Variants in GEMIN7 observed in about 807,000 individuals in gnomAD.
GEMIN7 encodes gem-associated protein 7.
GEMIN7 carries 7 observed loss-of-function variants against 7.8 expected under a neutral mutation model. The observed-to-expected ratio is 0.90, with a 90% confidence interval of 0.51 to 1.69. The LOEUF (loss-of-function observed/expected upper bound fraction) is 1.69, where lower values mean the gene tolerates loss of function less well. Ranked by LOEUF, GEMIN7 falls within the 40% of genes most tolerant of loss-of-function variation. The probability of loss-of-function intolerance (pLI) is 0.00; values close to 1 mark genes in which losing one functional copy is unlikely to be tolerated. For synonymous variants in GEMIN7, 68 were observed against 72.4 expected, an observed-to-expected ratio of 0.94 and a Z score of 0.31; for missense variants, 159 against 176.2, an observed-to-expected ratio of 0.90 and a Z score of 0.55.
rs147899933 is a variant in GEMIN7, at chr19:45,090,290, G to A, written c.176G>A (p.Arg59Gln). 1.1e-5 allele frequency: 18 copies of A among 1,614,072 alleles called. No individual in the cohort carries two copies. In the Admixed American group the frequency reaches 1.7e-4, roughly 15 times the overall value. ...CTGGAATCCCAGGAGCAGCGGGCAC[G>A]AGCCGCCCTTCGGGAGCGTTACCTC... Reference protein sequence around the residue: ...ESLESQEQRARAALRERYLRS... With the variant: ...ESLESQEQRAQAALRERYLRS... The change falls in exon 3 of 3, where the codon CGA (arginine) becomes CAA (glutamine). Residue 59 changes from arginine (R) to glutamine (Q), a missense_variant. Coordinates refer to ENST00000270257, the MANE Select transcript of GEMIN7 (RefSeq NM_024707.3).
chr19:45,075,809 G>A (rs369360244), upstream of GEMIN7: 7 of 1,614,046 alleles, frequency 4.3e-6, no homozygotes, highest in African/African-American at 9.3e-5. Flanking sequence ...AAGGTCTGCA[G>A]GCAGCGGCCG....
intron 2 of GEMIN7, among the ~76,000 whole-genome samples, chr19:45,080,569 G>C (rs1178995075): frequency 1.3e-5 from 2 of 151,834 alleles, no homozygotes; most frequent in Non-Finnish European, 2.9e-5. Context: ...AGTAGAGATA[G>C]GGTTTCACCA....
upstream of GEMIN7, chr19:45,076,397 C>A: frequency 8.0e-7 from 1 of 1,246,032 alleles, no homozygotes; most frequent in Admixed American, 4.1e-5. The surrounding 1 kb of genome is among the most constrained non-coding windows in gnomAD (Gnocchi z 4.9). Context: ...GGCGAGCGAG[C>A]GGGCGGGCAG....
chr19:45,087,146 ATGTT>A (rs1967721016), intron 2 of GEMIN7, among the ~76,000 whole-genome samples: 1 of 147,448 alleles, frequency 6.8e-6, no homozygotes, highest in Non-Finnish European at 1.5e-5. Flanking sequence ...CGCCCAGCCA[ATGTT>A]TGTTTGTTTT....
chr19:45,081,323 G>T (rs1018005420), intron 2 of GEMIN7, among the ~76,000 whole-genome samples: 5 of 152,068 alleles, frequency 3.3e-5, no homozygotes, highest in African/African-American at 1.2e-4. Flanking sequence ...ATGTGCAGTG[G>T]TGCGCGCCTG....
At chr19:45,080,437 G>T (rs147039111) in intron 2 of GEMIN7, among the ~76,000 whole-genome samples, 2 of 150,776 alleles carry the variant, frequency 1.3e-5, no homozygotes, top group Non-Finnish European at 2.9e-5. Flanking sequence ...GTGCAGAGGC[G>T]TGATCTCCGC....
intron 2 of GEMIN7, among the ~76,000 whole-genome samples, chr19:45,087,554 A>C (rs552524807): frequency 1.3e-5 from 2 of 152,186 alleles, no homozygotes; most frequent in Non-Finnish European, 2.9e-5. Context: ...AAGGAGATAC[A>C]GGCAGATACA....
upstream of GEMIN7, chr19:45,076,311 T>G: frequency 7.0e-7 from 1 of 1,429,852 alleles, no homozygotes; most frequent in Non-Finnish European, 9.2e-7. The surrounding 1 kb of genome is among the most constrained non-coding windows in gnomAD (Gnocchi z 4.9). Context: ...TCTCGTCGTC[T>G]GGGTTGGCGG....
intron 2 of GEMIN7, among the ~76,000 whole-genome samples, chr19:45,080,968 G>C (rs1967485516): frequency 1.3e-5 from 2 of 152,008 alleles, no homozygotes; most frequent in African/African-American, 4.8e-5. Context: ...CTGGGGGCTG[G>C]TGAGGCCTGA....
At chr19:45,083,800 T>G (rs2122661524) in intron 2 of GEMIN7, among the ~76,000 whole-genome samples, 1 of 151,876 alleles carries the variant, frequency 6.6e-6, no homozygotes, top group East Asian at 2.0e-4. Flanking sequence ...GATTTTGCTA[T>G]GTTGCCCAAG....
intron 2 of GEMIN7, among the ~76,000 whole-genome samples, chr19:45,083,126 G>A (rs1283058171): frequency 6.6e-6 from 1 of 152,236 alleles, no homozygotes; most frequent in East Asian, 1.9e-4. Context: ...TTGCCAAGAA[G>A]AAAAATAAAA....
At chr19:45,077,858 A>C (rs1010281388), upstream of GEMIN7, among the ~76,000 whole-genome samples, 7 of 149,286 alleles carry the variant, frequency 4.7e-5, no homozygotes, top group African/African-American at 1.7e-4. Flanking sequence ...GCCTCCTCTG[A>C]TCACCCTTTT....
intron 2 of GEMIN7, among the ~76,000 whole-genome samples, chr19:45,087,612 C>T (rs1331871776): frequency 6.6e-6 from 1 of 152,152 alleles, no homozygotes; most frequent in Non-Finnish European, 1.5e-5. Context: ...AGGCATCGCG[C>T]CTGAGGATCA....
chr19:45,089,743 C>G (rs926109033), intron 2 of GEMIN7, among the ~76,000 whole-genome samples: 2 of 152,034 alleles, frequency 1.3e-5, no homozygotes, highest in African/African-American at 4.8e-5. Flanking sequence ...GTCTCAAACT[C>G]CCAGCTTCAA....
chr19:45,081,794 C>T (rs1967513607), intron 2 of GEMIN7, among the ~76,000 whole-genome samples: 1 of 151,924 alleles, frequency 6.6e-6, no homozygotes, highest in East Asian at 1.9e-4. Flanking sequence ...ACCCAGCTAA[C>T]TTTTGTATTT....
At chr19:45,087,989 A>T in intron 2 of GEMIN7, among the ~76,000 whole-genome samples, 2 of 122,360 alleles carry the variant, frequency 1.6e-5, no homozygotes, top group Admixed American at 9.6e-5. Flanking sequence ...TCTGTCGCCC[A>T]GGCTGGAGTA....
At chr19:45,081,681 C>T (rs1197079230) in intron 2 of GEMIN7, among the ~76,000 whole-genome samples, 1 of 151,988 alleles carries the variant, frequency 6.6e-6, no homozygotes, top group African/African-American at 2.4e-5. Flanking sequence ...TGCTGGAATG[C>T]AATGGCACGA....
At chr19:45,088,292 T>A (rs980369291) in intron 2 of GEMIN7, among the ~76,000 whole-genome samples, 9 of 152,192 alleles carry the variant, frequency 5.9e-5, no homozygotes, top group African/African-American at 2.2e-4. Flanking sequence ...ATGACTTTAA[T>A]ATTTTTGAAG....
chr19:45,081,870 A>C (rs1401150568), intron 2 of GEMIN7, among the ~76,000 whole-genome samples: 1 of 151,906 alleles, frequency 6.6e-6, no homozygotes, highest in African/African-American at 2.4e-5. Flanking sequence ...CGATCTACCC[A>C]CCTCAGCCTT....
Sources: gnomAD v4.1 joint callset for allele counts (sites outside exome capture counted in the v4.1 genomes callset) on GRCh38, gnomAD v4.1.1 for gene constraint, Gnocchi (gnomAD v3.1) non-coding constraint, MANE v1.5 for transcripts, NCBI Gene and HGNC (gene_info 2026-07-23, HGNC 2026-07-21) for gene names.